The following CAAP1 variants were observed in gnomAD, a reference collection of about 807,000 sequenced individuals.
CAAP1 encodes the protein conserved anti-apoptotic protein.
In CAAP1, 20 loss-of-function variants were observed where a neutral mutation model predicts 34.0. The ratio of observed to expected loss-of-function variants is 0.59; its 90% CI spans 0.41 to 0.86. CAAP1 has a LOEUF of 0.86. Among genes scored for constraint, CAAP1 ranks in the 40% least tolerant of loss-of-function variants. The probability of loss-of-function intolerance (pLI) is 0.00; values close to 1 mark genes in which losing one functional copy is unlikely to be tolerated. For synonymous variants in CAAP1, 213 were observed against 166.7 expected, an observed-to-expected ratio of 1.28 and a Z score of -2.14; for missense variants, 538 against 450.5, an observed-to-expected ratio of 1.19 and a Z score of -1.76.
intron 5 of CAAP1, among the ~76,000 whole-genome samples, chr9:26,842,882 T>C (rs1292194855): frequency 2.6e-5 from 4 of 152,204 alleles, no homozygotes; most frequent in African/African-American, 7.2e-5. Flanking sequence ...CATGGGAACA[T>C]TAAGAAATTT....
chr9:26,846,528 G>A (rs1431231800), intron 5 of CAAP1, among the ~76,000 whole-genome samples: 1 of 150,668 alleles, frequency 6.6e-6, no homozygotes, highest in East Asian at 1.9e-4. Flanking sequence ...ATTTGATCCT[G>A]TCTACTTATA....
intron 4 of CAAP1, among the ~76,000 whole-genome samples, chr9:26,883,621 A>T (rs1823655796): frequency 6.6e-6 from 1 of 152,226 alleles, no homozygotes; most frequent in Admixed American, 6.5e-5. Flanking sequence ...ATAGATTTTT[A>T]AAAAGGGATA....
At chr9:26,865,612 T>G (rs561620576) in intron 4 of CAAP1, among the ~76,000 whole-genome samples, 5 of 152,196 alleles carry the variant, frequency 3.3e-5, no homozygotes, top group African/African-American at 4.8e-5. Flanking sequence ...CAGTATAAAG[T>G]AGAATTTTAG....
chr9:26,872,573 T>TATATATATATATATA (rs1563888449), intron 4 of CAAP1, among the ~76,000 whole-genome samples: 1 of 149,644 alleles, frequency 6.7e-6, no homozygotes, highest in African/African-American at 2.5e-5. Context: ...TATATATATA[T>TATATATATATATATA]TTAGACAGAG....
At chr9:26,889,800 G>A (rs1398860853) in intron 1 of CAAP1, among the ~76,000 whole-genome samples, 4 of 150,660 alleles carry the variant, frequency 2.7e-5, no homozygotes, top group East Asian at 2.0e-4. Context: ...CCCAGGAGGC[G>A]GCGCTTGCAG....
chr9:26,887,564 A>C (rs1823778433), intron 1 of CAAP1, 51 bp from the exon 2 acceptor site: 1 of 1,087,426 alleles, frequency 9.2e-7, no homozygotes, highest in Non-Finnish European at 1.3e-6. Flanking sequence ...TAAAATATAA[A>C]GAATACGTAC....
intron 5 of CAAP1, among the ~76,000 whole-genome samples, chr9:26,859,166 G>C (rs763207359): frequency 6.6e-6 from 1 of 151,966 alleles, no homozygotes; most frequent in Non-Finnish European, 1.5e-5. Context: ...ATACCTCCTT[G>C]AGAACCTGAG....
Position 26,842,549 on chromosome 9 carries a change from G to T in CAAP1, c.838C>A (p.Pro280Thr), listed in dbSNP as rs778223774. ...CNEEAAAPEAPENTVQSEAGQ... is the reference protein window; with the variant it reads ...CNEEAAAPEATENTVQSEAGQ... The stretch of plus-strand genomic sequence containing the variant: ...GCTTCACTTTGGACTGTATTTTCTG[G>T]TGCCTCGGGAGCAGCTGCTTCTTCG... The change falls in exon 6 of 6, where the codon CCA (proline) becomes ACA (threonine). Residue 280 changes from proline (P) to threonine (T), a missense_variant. Physicochemically the swap from Pro to Thr is conservative, Grantham distance 38. This residue lies in a region of CAAP1 where 514 missense variants were observed against 408.4 expected (regional missense o/e 1.26). Transcript: ENST00000333916. The T allele has an allele frequency of 5.6e-6, 9 of 1,614,006 alleles. No homozygotes were observed. The highest frequency in any genetic ancestry group is 7.6e-6 in the Non-Finnish European group (9 of 1,180,040).
chr9:26,884,512 G>A (rs1823679962), intron 4 of CAAP1, among the ~76,000 whole-genome samples: 2 of 152,112 alleles, frequency 1.3e-5, no homozygotes, highest in Non-Finnish European at 2.9e-5. Flanking sequence ...AAATAGTGAG[G>A]ATCGTGAATA....
intron 4 of CAAP1, among the ~76,000 whole-genome samples, chr9:26,866,698 C>T (rs980105307): frequency 1.3e-5 from 2 of 152,102 alleles, no homozygotes; most frequent in Admixed American, 1.3e-4. Context: ...GCCAGGTATA[C>T]GGATTGAATT....
chr9:26,842,237 G>A lies in CAAP1; in HGVS notation c.*64C>T. 1 of 1,300,496 alleles carries A rather than the reference G, an allele frequency of 7.7e-7. No individual in the cohort carries two copies. Among genetic ancestry groups the A allele is most frequent in the Non-Finnish European group, 1.1e-6 (1 of 950,988 alleles). The allele number at this position is 1,300,496 out of a possible 1,614,324, so 80.6% of individuals were successfully genotyped here. A position where few individuals can be genotyped will look rare whatever the true frequency, so the allele number is the denominator to read the frequency against. On this transcript the variant is annotated 3_prime_UTR_variant, in exon 6 of 6. Transcript: ENST00000333916. Reference sequence around the variant, plus strand: ...CATATAAGACCCCAAATAAATTTTAGATACAAAATTAAATGATGTGGCTTT... The same window carrying A: ...CATATAAGACCCCAAATAAATTTTAAATACAAAATTAAATGATGTGGCTTT...
At position 26,861,087 on chromosome 9, in the gene CAAP1, C is replaced by T. The variant is rs764609163; in HGVS notation, c.718G>A (p.Glu240Lys). 1.3e-4 allele frequency: 213 copies of T among 1,611,186 alleles called. No homozygotes were observed. The highest frequency in any genetic ancestry group is 1.8e-4 in the Non-Finnish European group (208 of 1,177,772). The change falls in exon 5 of 6, where the codon GAA (glutamate) becomes AAA (lysine). Residue 240 changes from glutamate (E) to lysine (K), a missense_variant. Around this residue, in one of 3 missense-constraint regions of CAAP1, gnomAD observed 514 missense variants for 408.4 expected, o/e 1.26. Coordinates refer to ENST00000333916, the MANE Select transcript of CAAP1 (RefSeq NM_024828.4). Reference protein sequence around the residue: ...ASSVRENKQPEGLELKQGKGE... With the variant: ...ASSVRENKQPKGLELKQGKGE... ...ATACCTTGTTTTAATTCCAAACCTT[C>T]AGGTTGCTTATTCTCTCTCACGGAT...
intron 4 of CAAP1, among the ~76,000 whole-genome samples, chr9:26,874,110 G>C: frequency 6.6e-6 from 1 of 150,452 alleles, no homozygotes; most frequent in South Asian, 2.1e-4. Context: ...GGGAGGCTGA[G>C]GCAGGAGAAT....
At chr9:26,887,244 A>T (rs1388525106) in intron 2 of CAAP1, 69 bp downstream of exon 2, 1 of 1,048,108 alleles carries the variant, frequency 9.5e-7, no homozygotes, top group African/African-American at 1.6e-5. Flanking sequence ...GCATTAAGTA[A>T]AACAAAAAAT....
chr9:26,842,061 C>T lies in CAAP1; in HGVS notation c.*240G>A. On this transcript the variant is annotated 3_prime_UTR_variant, in exon 6 of 6. Transcript: ENST00000333916. ...CAGACACAGCTAAATACTCATCTAA[C>T]AAAGTATCCAGGCTATCCAACTATA... The T allele has an allele frequency of 8.4e-6, 3 of 356,008 alleles. No homozygotes were observed. Among genetic ancestry groups the T allele is most frequent in the Non-Finnish European group, 1.0e-5 (2 of 198,680 alleles). The allele number at this position is 356,008 out of a possible 1,614,324, so 22.1% of individuals were successfully genotyped here.
At chr9:26,851,583 C>T (rs1397418043) in intron 5 of CAAP1, among the ~76,000 whole-genome samples, 2 of 152,198 alleles carry the variant, frequency 1.3e-5, no homozygotes, top group African/African-American at 4.8e-5. Context: ...CAATAACAGG[C>T]TGACATAAGC....
intron 4 of CAAP1, among the ~76,000 whole-genome samples, chr9:26,882,420 G>A (rs1206135527): frequency 6.6e-6 from 1 of 152,206 alleles, no homozygotes; most frequent in African/African-American, 2.4e-5. Context: ...CAGCTTCCAT[G>A]TGGGGTTGAG....
chr9:26,849,098 A>G (rs1266437704), intron 5 of CAAP1, among the ~76,000 whole-genome samples: 1 of 152,218 alleles, frequency 6.6e-6, no homozygotes, highest in Non-Finnish European at 1.5e-5. Context: ...CAGGAAAACA[A>G]GAGAAATAGT....
rs1355001702 is a variant in CAAP1 at position 26,892,786 on chromosome 9, C to G, written c.-71G>C. On this transcript the variant is annotated 5_prime_UTR_variant, in exon 1 of 6. Transcript: ENST00000333916. ...GCGACCGAAGCCCGACTCCTGCGGC[C>G]GTGGGCGGCAGGCACTGGCGTCGCA... 1 of 1,451,172 alleles carries G rather than the reference C, an allele frequency of 6.9e-7. No individual in the cohort carries two copies. Among genetic ancestry groups the G allele is most frequent in the South Asian group, 1.4e-5 (1 of 74,026 alleles). The allele number at this position is 1,451,172 out of a possible 1,614,324, so 89.9% of individuals were successfully genotyped here.
Sources: gnomAD v4.1 joint callset for allele counts (sites outside exome capture counted in the v4.1 genomes callset) on GRCh38, gnomAD v4.1.1 for gene constraint, gnomAD v4.1.1 regional missense constraint, MANE v1.5 for transcripts, NCBI Gene and HGNC (gene_info 2026-07-23, HGNC 2026-07-21) for gene names.